The following NEK6 variants were observed in gnomAD, a reference collection of about 807,000 sequenced individuals.
NEK6 encodes serine/threonine-protein kinase Nek6.
NEK6 carries 27 observed loss-of-function variants against 43.5 expected under a neutral mutation model. The observed-to-expected ratio is 0.62, with a 90% CI of 0.46 to 0.86. NEK6 has a LOEUF of 0.86. NEK6 is among the 40% of genes least tolerant of loss of function. The pLI, the probability that NEK6 is intolerant of heterozygous loss-of-function variation, is 0.00. For synonymous variants in NEK6, 167 were observed against 164.1 expected (o/e 1.02, Z -0.14); for missense variants, 318 against 414.4 (o/e 0.77, Z 2.02).
intron 8 of NEK6, among the ~76,000 whole-genome samples, chr9:124,339,912 CAGAGGG>C (rs1352592090): frequency 2.0e-5 from 3 of 152,166 alleles, no homozygotes; most frequent in East Asian, 1.9e-4. Context: ...GAAGGGAAGA[CAGAGGG>C]AGCACAGGCC....
chr9:124,349,957 G>A (rs957652173), intron 9 of NEK6, among the ~76,000 whole-genome samples: 10 of 151,182 alleles, frequency 6.6e-5, no homozygotes, highest in Non-Finnish European at 7.4e-5. Flanking sequence ...CTAGTCTACA[G>A]GAAGCCCAGG....
intron 1 of NEK6, among the ~76,000 whole-genome samples, chr9:124,301,432 C>T (rs756061482): frequency 9.2e-5 from 14 of 152,154 alleles, no homozygotes; most frequent in East Asian, 1.9e-4. Context: ...ACGTGTGGTG[C>T]GCCAGGGCCC....
intron 1 of NEK6, chr9:124,293,147 A>G (rs960655961): frequency 1.8e-5 from 21 of 1,161,786 alleles, no homozygotes; most frequent in African/African-American, 1.8e-4. Flanking sequence ...CCTCAGGCAA[A>G]TGATTAAAAT....
intron 7 of NEK6, among the ~76,000 whole-genome samples, chr9:124,337,842 A>G (rs1237372066): frequency 6.6e-6 from 1 of 152,174 alleles, no homozygotes; most frequent in African/African-American, 2.4e-5. Context: ...TAGTTGTACC[A>G]TTTTACCTTC....
At chr9:124,342,253 G>C (rs1321102217) in intron 8 of NEK6, among the ~76,000 whole-genome samples, 2 of 152,220 alleles carry the variant, frequency 1.3e-5, no homozygotes, top group South Asian at 2.1e-4. Context: ...AGATCCTGAG[G>C]GGAAGAGACA....
chr9:124,325,639 C>T (rs1254223852), intron 5 of NEK6, among the ~76,000 whole-genome samples: 1 of 152,266 alleles, frequency 6.6e-6, no homozygotes, highest in Non-Finnish European at 1.5e-5. Flanking sequence ...GGCCTGCCCT[C>T]TCCAGGACCT....
At chr9:124,349,246 T>C (rs1027332021) in intron 9 of NEK6, among the ~76,000 whole-genome samples, 1 of 152,266 alleles carries the variant, frequency 6.6e-6, no homozygotes, top group African/African-American at 2.4e-5. Context: ...GAAAAACAAG[T>C]TGCATCTCTT....
rs144199714 is a variant in NEK6 at position 124,313,675 on chromosome 9, T to G, written c.232-248T>G. ...TGTGCCTGGCCCGCCCTCTCCATCTTCTGGGGAGGGGCTCACCTGGGCTCT... is the reference window on the plus strand; with the variant it reads ...TGTGCCTGGCCCGCCCTCTCCATCTGCTGGGGAGGGGCTCACCTGGGCTCT... On this transcript the variant is annotated intron_variant, in intron 3 of 9. Transcript: ENST00000320246. Among the ~76,000 whole-genome samples, 626 of 152,268 alleles carry G rather than the reference T, an allele frequency of 4.1e-3. 5 individuals are homozygous for G. The highest frequency in any genetic ancestry group is 4.7e-3 in the Non-Finnish European group (320 of 68,006).
chr9:124,262,636 G>C (rs992522152), intron 1 of NEK6, among the ~76,000 whole-genome samples: 6 of 152,266 alleles, frequency 3.9e-5, no homozygotes, highest in African/African-American at 1.4e-4. Context: ...CACCGCTGTA[G>C]CTGTGGCTGG....
chr9:124,326,539 G>A lies in NEK6; in HGVS notation c.514+101G>A. 1.2e-6 allele frequency: 1 copy of A among 844,948 alleles called. No homozygotes were observed. The highest frequency in any genetic ancestry group is 2.0e-6 in the Non-Finnish European group (1 of 512,434). The allele number at this position is 844,948 out of a possible 1,614,324, so 52.3% of individuals were successfully genotyped here. The stretch of plus-strand genomic sequence containing the variant: ...TCCTCAGGGGCAGCCCCTTGAGGAA[G>A]TTGGACCGCTCTGTATTCCCCAGGC... On this transcript the variant is annotated intron_variant, in intron 6 of 9. Coordinates refer to ENST00000320246, the MANE Select transcript of NEK6 (RefSeq NM_014397.6). The surrounding 1 kb of genome is among the most constrained non-coding windows in gnomAD (Gnocchi z 4.5).
At chr9:124,309,968 G>T (rs542877205) in intron 2 of NEK6, among the ~76,000 whole-genome samples, 3 of 152,230 alleles carry the variant, frequency 2.0e-5, no homozygotes, top group Non-Finnish European at 2.9e-5. Flanking sequence ...GGCCGGTGGC[G>T]GGTCCTGGGG....
intron 7 of NEK6, among the ~76,000 whole-genome samples, chr9:124,334,073 G>A (rs577295372): frequency 1.3e-5 from 2 of 152,284 alleles, no homozygotes; most frequent in African/African-American, 2.4e-5. Context: ...CACCACGCCC[G>A]GCCCAAGTCC....
At chr9:124,314,334 G>A (rs1833706548) in intron 4 of NEK6, among the ~76,000 whole-genome samples, 2 of 152,156 alleles carry the variant, frequency 1.3e-5, no homozygotes, top group Non-Finnish European at 2.9e-5. Flanking sequence ...TTGGCTAGGG[G>A]AGGAGTTCAT....
At chr9:124,272,184 C>T (rs1057263629) in intron 1 of NEK6, among the ~76,000 whole-genome samples, 4 of 152,232 alleles carry the variant, frequency 2.6e-5, no homozygotes, top group Non-Finnish European at 2.9e-5. Context: ...AGCTTGGTGG[C>T]CCCTGTGACG....
intron 1 of NEK6, among the ~76,000 whole-genome samples, chr9:124,296,500 G>A (rs901117130): frequency 2.0e-5 from 3 of 152,186 alleles, no homozygotes; most frequent in South Asian, 2.1e-4. Flanking sequence ...TGGACAGAAC[G>A]AGCCTGGTGG....
At chr9:124,312,023 A>G (rs1049357731) in intron 2 of NEK6, among the ~76,000 whole-genome samples, 4 of 152,154 alleles carry the variant, frequency 2.6e-5, no homozygotes, top group African/African-American at 9.7e-5. Context: ...CTTGTCTGAG[A>G]TGGGGAACGG....
At chr9:124,281,487 CTTTTTTTT>C (rs759381068) in intron 1 of NEK6, among the ~76,000 whole-genome samples, 9 of 102,926 alleles carry the variant, frequency 8.7e-5, no homozygotes, top group African/African-American at 2.7e-4. Flanking sequence ...GCTGTTTTTT[CTTTTTTTT>C]TTTTTTTTTT....
chr9:124,283,802 A>G (rs1258877045), intron 1 of NEK6, among the ~76,000 whole-genome samples: 1 of 152,196 alleles, frequency 6.6e-6, no homozygotes, highest in Non-Finnish European at 1.5e-5. Flanking sequence ...TCCCGTTCCG[A>G]GGAAAAATCC....
chr9:124,279,347 G>C (rs1242291113), intron 1 of NEK6, among the ~76,000 whole-genome samples: 1 of 149,692 alleles, frequency 6.7e-6, no homozygotes, highest in African/African-American at 2.5e-5. Flanking sequence ...TGTCACCCAG[G>C]CTGGAGTGCA....
Sources: gnomAD v4.1 joint callset for allele counts (sites outside exome capture counted in the v4.1 genomes callset) on GRCh38, gnomAD v4.1.1 for gene constraint, Gnocchi (gnomAD v3.1) non-coding constraint, MANE v1.5 for transcripts, NCBI Gene and HGNC (gene_info 2026-07-23, HGNC 2026-07-21) for gene names.